The following NPL variants were observed in gnomAD, a reference collection of about 807,000 sequenced individuals.
The protein encoded by NPL is N-acetylneuraminate pyruvate lyase, also known as N-acetylneuraminate lyase.
A neutral mutation model predicts 41.1 loss-of-function variants in NPL; 32 were observed. The ratio of observed to expected loss-of-function variants is 0.78; its 90% CI spans 0.59 to 1.05. NPL has a LOEUF of 1.05. Among genes scored for constraint, NPL ranks in the 50% least tolerant of loss-of-function variants. The pLI, the probability that NPL is intolerant of heterozygous loss-of-function variation, is 0.00. For synonymous variants in NPL, 128 were observed against 134.9 expected (o/e 0.95, Z 0.35); for missense variants, 321 against 378.4 (o/e 0.85, Z 1.26).
intron 3 of NPL, among the ~76,000 whole-genome samples, chr1:182,796,126 G>A (rs1386494649): frequency 2.4e-5 from 3 of 125,750 alleles, no homozygotes; most frequent in African/African-American, 6.2e-5. Flanking sequence ...TCAATTCTGC[G>A]TTTTTCTTCT....
chr1:182,818,954 A>T, intron 10 of NPL, 95 bp downstream of exon 10: 1 of 1,052,702 alleles, frequency 9.5e-7, no homozygotes. Flanking sequence ...TATCCTTTCT[A>T]ATAGAAGTTT....
chr1:182,816,494 T>C (rs1260608220), intron 7 of NPL, among the ~76,000 whole-genome samples: 1 of 152,200 alleles, frequency 6.6e-6, no homozygotes, highest in East Asian at 1.9e-4. Flanking sequence ...GGTAGGAGAA[T>C]AATCGTCTTA....
intron 3 of NPL, among the ~76,000 whole-genome samples, chr1:182,798,233 C>CTTTT (rs58974453): frequency 5.4e-5 from 7 of 130,014 alleles, no homozygotes; most frequent in Non-Finnish European, 9.7e-5. Flanking sequence ...GAAAGACTTG[C>CTTTT]TTTTTTTTTT....
chr1:182,817,688 G>A (rs975655394), intron 8 of NPL, among the ~76,000 whole-genome samples: 1 of 152,178 alleles, frequency 6.6e-6, no homozygotes, highest in Non-Finnish European at 1.5e-5. Flanking sequence ...TTCAATTAAT[G>A]TGCTACAGCA....
At chr1:182,820,016 C>T (rs1207658681) in intron 10 of NPL, among the ~76,000 whole-genome samples, 1 of 152,230 alleles carries the variant, frequency 6.6e-6, no homozygotes, top group East Asian at 1.9e-4. Context: ...GAGAGACTCA[C>T]CTCCACATCT....
intron 5 of NPL, among the ~76,000 whole-genome samples, chr1:182,808,680 T>C (rs1667090609): frequency 6.6e-6 from 1 of 152,130 alleles, no homozygotes; most frequent in South Asian, 2.1e-4. Context: ...CTTGGCTGGG[T>C]GCAGTGGCTC....
chr1:182,828,617 T>C lies in NPL; in HGVS notation c.779-107T>C. 7.1e-7 allele frequency: 1 copy of C among 1,407,412 alleles called. No homozygotes were observed. Among genetic ancestry groups the C allele is most frequent in the Non-Finnish European group, 9.9e-7 (1 of 1,009,204 alleles). The allele number at this position is 1,407,412 out of a possible 1,614,324, so 87.2% of individuals were successfully genotyped here. ...AATGTTCCCATCTTTTGTTTTAATC[T>C]TACCCTGTTGTAGTAGTTGCTGTTA... On this transcript the variant is annotated intron_variant, in intron 12 of 12. Coordinates refer to ENST00000367553, the MANE Select transcript of NPL (RefSeq NM_030769.3). This position sits in a 1 kb window ranked among gnomAD's most constrained non-coding sequence, Gnocchi z 4.0.
intron 2 of NPL, among the ~76,000 whole-genome samples, chr1:182,793,987 A>T (rs1302394916): frequency 1.3e-5 from 2 of 152,114 alleles, no homozygotes; most frequent in African/African-American, 2.4e-5. Flanking sequence ...CCTGGAACTG[A>T]TCTTCTGTGT....
At chr1:182,805,323 C>G (rs935104767) in intron 4 of NPL, among the ~76,000 whole-genome samples, 2 of 152,118 alleles carry the variant, frequency 1.3e-5, no homozygotes, top group Admixed American at 1.3e-4. Context: ...CCCAGTTACT[C>G]AGGAGGCTGA....
At chr1:182,815,949 A>C (rs1571268960) in intron 7 of NPL, among the ~76,000 whole-genome samples, 1 of 152,260 alleles carries the variant, frequency 6.6e-6, no homozygotes, top group African/African-American at 2.4e-5. Context: ...TTTTACGTGA[A>C]TATGTTTCCT....
intron 3 of NPL, among the ~76,000 whole-genome samples, chr1:182,796,384 C>G (rs1222186803): frequency 6.6e-6 from 1 of 151,886 alleles, no homozygotes; most frequent in East Asian, 1.9e-4. Flanking sequence ...GGAATCTGCA[C>G]TTCTGGCATG....
chr1:182,806,931 G>A (rs112338288), intron 5 of NPL, among the ~76,000 whole-genome samples: 3 of 152,004 alleles, frequency 2.0e-5, no homozygotes, highest in Middle Eastern at 3.2e-3. Context: ...CTCTGCCTCC[G>A]GGGTTCAAGC....
intron 2 of NPL, among the ~76,000 whole-genome samples, chr1:182,793,622 C>T (rs1306886879): frequency 6.6e-6 from 1 of 152,084 alleles, no homozygotes; most frequent in Admixed American, 6.6e-5. Context: ...TTAACTAGAA[C>T]TAGGAAAACT....
At position 182,828,694 on chromosome 1, in the gene NPL, C is replaced by T; in HGVS notation, c.779-30C>T. The T allele has an allele frequency of 6.2e-7, 1 of 1,614,018 alleles. No homozygotes were observed. The highest frequency in any genetic ancestry group is 8.5e-7 in the Non-Finnish European group (1 of 1,179,936). ...TTGTGGAGAGATAGACGGTACCAGT[C>T]ATGTTTCCTCATTTGTTTTTCCCGT... On this transcript the variant is annotated intron_variant, in intron 12 of 12. Coordinates refer to ENST00000367553, the MANE Select transcript of NPL (RefSeq NM_030769.3). The surrounding 1 kb of genome is among the most constrained non-coding windows in gnomAD (Gnocchi z 4.0).
At chr1:182,818,399 C>G (rs116818265) in intron 8 of NPL, 142 bp from the exon 9 acceptor site, 448 of 991,680 alleles carry the variant, frequency 4.5e-4, no homozygotes, top group African/African-American at 4.2e-3. Context: ...AGCTGCTAGT[C>G]AGGGACCAGT....
chr1:182,793,699 G>T (rs1666578619), intron 2 of NPL, among the ~76,000 whole-genome samples: 1 of 152,204 alleles, frequency 6.6e-6, no homozygotes, highest in African/African-American at 2.4e-5. Context: ...TGTAAATCAT[G>T]ATGAAACCTT....
intron 7 of NPL, 143 bp from the exon 8 acceptor site, chr1:182,816,571 C>T (rs1460749868): frequency 1.5e-6 from 1 of 676,516 alleles, no homozygotes; most frequent in Non-Finnish European, 2.7e-6. Context: ...ATTGCAGTAG[C>T]AGTAGCAGGG....
At chr1:182,806,594 A>T (rs1469264875) in intron 5 of NPL, 3 of 1,505,898 alleles carry the variant, frequency 2.0e-6, no homozygotes, top group Non-Finnish European at 2.7e-6. Flanking sequence ...AGCAACTCAC[A>T]CCCCTTCCCT....
chr1:182,812,703 C>T (rs74844585), intron 6 of NPL, among the ~76,000 whole-genome samples: 8,884 of 151,924 alleles, frequency 0.058, 379 homozygotes, highest in African/African-American at 0.12. Flanking sequence ...CCTTCAGCAC[C>T]GTTGTGGAAT....
Sources: gnomAD v4.1 joint callset for allele counts (sites outside exome capture counted in the v4.1 genomes callset) on GRCh38, gnomAD v4.1.1 for gene constraint, Gnocchi (gnomAD v3.1) non-coding constraint, MANE v1.5 for transcripts, NCBI Gene and HGNC (gene_info 2026-07-23, HGNC 2026-07-21) for gene names.